Variants in MAPK10 observed in about 807,000 individuals in gnomAD.
MAPK10 encodes the protein JNK3 alpha protein kinase.
A neutral mutation model predicts 59.3 loss-of-function variants in MAPK10; 25 were observed. That is an observed-to-expected ratio of 0.42 (90% CI 0.31 to 0.59). MAPK10 has a LOEUF of 0.59. Ranked by LOEUF, MAPK10 falls within the 20% of genes least tolerant of loss-of-function variation. The probability of loss-of-function intolerance (pLI) is 0.15; values close to 1 mark genes in which losing one functional copy is unlikely to be tolerated. For synonymous variants in MAPK10, 190 were observed against 200.5 expected, an observed-to-expected ratio of 0.95 and a Z score of 0.44; for missense variants, 351 against 568.9, an observed-to-expected ratio of 0.62 and a Z score of 3.90.
rs190384771 is a variant in MAPK10 at position 86,021,624 on chromosome 4, G to C, written c.1253-4254C>G. Among the ~76,000 whole-genome samples, 308 of 152,368 alleles carry C rather than the reference G, an allele frequency of 2.0e-3. 2 individuals are homozygous for C. The highest frequency in any genetic ancestry group is 3.4e-3 in the Non-Finnish European group (230 of 68,040). On this transcript the variant is annotated intron_variant, in intron 13 of 13. Transcript: ENST00000641462. The stretch of plus-strand genomic sequence containing the variant: ...TGCGCTCGCATTCCTCAGCCCTTGG[G>C]TGGTCGCTGGGACTGGGCGCCATGG...
intron 2 of MAPK10, among the ~76,000 whole-genome samples, chr4:86,234,394 T>C (rs2091986205): frequency 1.3e-5 from 2 of 152,290 alleles, no homozygotes; most frequent in Non-Finnish European, 1.5e-5. Context: ...AAAGTTGATG[T>C]AATTAATATC....
At chr4:86,083,485 C>T (rs1481232135) in intron 9 of MAPK10, among the ~76,000 whole-genome samples, 1 of 152,090 alleles carries the variant, frequency 6.6e-6, no homozygotes, top group African/African-American at 2.4e-5. Context: ...ACGGAAGGAG[C>T]ATTTAAACCA....
At chr4:86,079,732 C>T (rs1185623478) in intron 9 of MAPK10, 1 of 152,144 alleles carries the variant, frequency 6.6e-6, no homozygotes, top group East Asian at 1.9e-4. Context: ...AATTTAAGGA[C>T]ACTGTACTCT....
At chr4:86,215,535 C>G (rs1027960537) in intron 2 of MAPK10, among the ~76,000 whole-genome samples, 2 of 152,078 alleles carry the variant, frequency 1.3e-5, no homozygotes, top group African/African-American at 4.8e-5. Context: ...ATCCAAAATA[C>G]GTAGAAACTA....
At chr4:86,070,851 T>C (rs1248076039) in intron 9 of MAPK10, among the ~76,000 whole-genome samples, 3 of 152,172 alleles carry the variant, frequency 2.0e-5, no homozygotes, top group Non-Finnish European at 2.9e-5. Flanking sequence ...ATAATAAAAA[T>C]ACGTGTGCAT....
At chr4:86,061,525 CT>C (rs926794477) in intron 11 of MAPK10, among the ~76,000 whole-genome samples, 3 of 152,118 alleles carry the variant, frequency 2.0e-5, no homozygotes, top group African/African-American at 7.2e-5. Flanking sequence ...CTAATTTTCC[CT>C]CTCAGAATTA....
chr4:86,368,399 A>G (rs1016663757), intron 1 of MAPK10, among the ~76,000 whole-genome samples: 1 of 152,218 alleles, frequency 6.6e-6, no homozygotes, highest in South Asian at 2.1e-4. Flanking sequence ...ATTAGGGTTC[A>G]TTCTTTGCGT....
intron 1 of MAPK10, among the ~76,000 whole-genome samples, chr4:86,480,356 G>T (rs931962918): frequency 3.3e-5 from 5 of 151,646 alleles, no homozygotes; most frequent in African/African-American, 9.7e-5. Context: ...AACTGCCTTT[G>T]ACTGTAATTT....
intron 2 of MAPK10, among the ~76,000 whole-genome samples, chr4:86,293,158 T>A (rs1476428553): frequency 2.0e-5 from 3 of 152,230 alleles, no homozygotes; most frequent in South Asian, 2.1e-4. Flanking sequence ...AAAGTGTGGA[T>A]GTATTTGTAT....
At chr4:86,166,710 T>A (rs2071852083) in intron 3 of MAPK10, among the ~76,000 whole-genome samples, 1 of 152,192 alleles carries the variant, frequency 6.6e-6, no homozygotes, top group South Asian at 2.1e-4. Flanking sequence ...CTCTCCACTT[T>A]CCACCTCCCT....
At chr4:86,196,079 T>C (rs2081243312) in intron 2 of MAPK10, among the ~76,000 whole-genome samples, 1 of 152,222 alleles carries the variant, frequency 6.6e-6, no homozygotes, top group South Asian at 2.1e-4. Flanking sequence ...TTTGGATATA[T>C]ACCCAGTAAT....
At chr4:86,509,405 T>C (rs1756036274) in intron 1 of MAPK10, among the ~76,000 whole-genome samples, 1 of 150,916 alleles carries the variant, frequency 6.6e-6, no homozygotes. Context: ...ATACAAGGTA[T>C]CTCTGGCATA....
chr4:86,498,855 T>C (rs1755089509), intron 1 of MAPK10, among the ~76,000 whole-genome samples: 2 of 152,182 alleles, frequency 1.3e-5, no homozygotes, highest in South Asian at 4.1e-4. Flanking sequence ...TAGATGTAGT[T>C]GTGGAACACC....
At position 86,014,117 on chromosome 4, in the gene MAPK10, C is replaced by T. The variant is rs1261318693; in HGVS notation, c.*3111G>A. On this transcript the variant is annotated 3_prime_UTR_variant, in exon 14 of 14. Coordinates refer to ENST00000641462, the MANE Select transcript of MAPK10 (RefSeq NM_138982.4). ...TAAGGATCACTGCAAACCAACTGCC[C>T]CAAAGGAAGCCTAACAGAAGGTTAG... is the stretch of plus-strand genomic sequence containing the variant. 6.6e-6 allele frequency: 1 copy of T among 152,070 alleles called. No homozygotes were observed. The highest frequency in any genetic ancestry group is 1.9e-4 in the East Asian group (1 of 5,190). 9.4% of individuals were successfully genotyped at this position (152,070 alleles called of 1,614,324 possible). A position where few individuals can be genotyped will look rare whatever the true frequency, so the allele number is the denominator to read the frequency against.
At chr4:86,448,382 T>C (rs1043368787) in intron 1 of MAPK10, among the ~76,000 whole-genome samples, 3 of 147,358 alleles carry the variant, frequency 2.0e-5, no homozygotes, top group Non-Finnish European at 3.0e-5. Context: ...TCAACTAGTC[T>C]AATTAAAAAG....
chr4:86,064,565 C>G, intron 10 of MAPK10, 175 bp from the exon 11 acceptor site: 1 of 626,300 alleles, frequency 1.6e-6, no homozygotes, highest in Non-Finnish European at 2.8e-6. Context: ...CTTTGTGTCT[C>G]TAAGCCTAAG....
At chr4:86,363,075 A>G (rs1737266250), upstream of MAPK10, among the ~76,000 whole-genome samples, 1 of 152,208 alleles carries the variant, frequency 6.6e-6, no homozygotes, top group Admixed American at 6.5e-5. Context: ...TAATTATGAT[A>G]TACAGTCAGC....
At chr4:86,228,184 CAGG>C (rs1157638026) in intron 2 of MAPK10, among the ~76,000 whole-genome samples, 2 of 152,088 alleles carry the variant, frequency 1.3e-5, no homozygotes, top group African/African-American at 4.8e-5. Context: ...TGATTTAGGG[CAGG>C]AGAATATTAG....
intron 1 of MAPK10, among the ~76,000 whole-genome samples, chr4:86,576,697 C>A (rs894075415): frequency 1.3e-5 from 2 of 151,818 alleles, no homozygotes; most frequent in Non-Finnish European, 2.9e-5. Flanking sequence ...ATGGCATGAA[C>A]CCGGGAGGCG....
Sources: gnomAD v4.1 joint callset for allele counts (sites outside exome capture counted in the v4.1 genomes callset) on GRCh38, gnomAD v4.1.1 for gene constraint, MANE v1.5 for transcripts, NCBI Gene and HGNC (gene_info 2026-07-23, HGNC 2026-07-21) for gene names.